KALRN: variants seen among roughly 807,000 people sequenced by gnomAD.
The protein encoded by KALRN is kalirin RhoGEF kinase.
A neutral mutation model predicts 353.7 loss-of-function variants in KALRN; 70 were observed. That is an observed-to-expected ratio of 0.20 (90% CI 0.16 to 0.24). The LOEUF is 0.24. KALRN is among the 10% of genes least tolerant of loss of function. The pLI is 1.00. For synonymous variants in KALRN, 1,391 were observed against 1,434.8 expected, an observed-to-expected ratio of 0.97 and a Z score of 0.69; for missense variants, 2,791 against 3,756.7, an observed-to-expected ratio of 0.74 and a Z score of 6.72.
chr3:124,153,359 C>T (rs867287706), intron 1 of KALRN, among the ~76,000 whole-genome samples: 2 of 148,406 alleles, frequency 1.3e-5, no homozygotes, highest in South Asian at 2.2e-4. Flanking sequence ...TGAGTGAGAA[C>T]ATGCGGTGTT....
intron 1 of KALRN, among the ~76,000 whole-genome samples, chr3:124,173,295 TAAAAA>T (rs1026300445): frequency 7.9e-5 from 12 of 152,196 alleles, no homozygotes; most frequent in Admixed American, 5.2e-4. Context: ...AAAGAAAAAA[TAAAAA>T]GAGAAAGCTT....
At chr3:124,228,608 T>C (rs1375814926) in intron 2 of KALRN, among the ~76,000 whole-genome samples, 1 of 152,210 alleles carries the variant, frequency 6.6e-6, no homozygotes, top group Non-Finnish European at 1.5e-5. Context: ...GGGTAAGCAA[T>C]CTGTAGCTGG....
chr3:124,266,573 A>C (rs1460896773), intron 4 of KALRN, among the ~76,000 whole-genome samples: 2 of 152,192 alleles, frequency 1.3e-5, no homozygotes, highest in Non-Finnish European at 2.9e-5. Flanking sequence ...CTCATCTGCA[A>C]GGGGATGAAC....
intron 47 of KALRN, among the ~76,000 whole-genome samples, chr3:124,667,527 G>T (rs1021377385): frequency 2.0e-5 from 3 of 152,222 alleles, no homozygotes; most frequent in African/African-American, 4.8e-5. Context: ...GGCTAGAAAT[G>T]ATATGTGTTT....
chr3:124,303,188 A>G (rs1490877072), intron 6 of KALRN, among the ~76,000 whole-genome samples: 1 of 152,226 alleles, frequency 6.6e-6, no homozygotes, highest in East Asian at 1.9e-4. Context: ...AATATGGTAC[A>G]TAAATAAAAT....
At chr3:124,545,848 G>A (rs1561261612) in intron 33 of KALRN, among the ~76,000 whole-genome samples, 1 of 152,144 alleles carries the variant, frequency 6.6e-6, no homozygotes, top group Non-Finnish European at 1.5e-5. Flanking sequence ...TTTAGATAAG[G>A]ACAGCAACCG....
intron 1 of KALRN, among the ~76,000 whole-genome samples, chr3:124,130,791 A>C (rs1211177624): frequency 1.3e-5 from 2 of 152,234 alleles, no homozygotes; most frequent in South Asian, 4.1e-4. Flanking sequence ...ACAGAATGTT[A>C]TACAGAAAAG....
intron 1 of KALRN, among the ~76,000 whole-genome samples, chr3:124,110,463 A>ATG (rs1347814093): frequency 3.6e-5 from 2 of 56,022 alleles, no homozygotes; most frequent in Non-Finnish European, 4.8e-5. Flanking sequence ...ATATATACAC[A>ATG]CGCGCGCACA....
chr3:124,127,940 C>T (rs918004764), intron 1 of KALRN, among the ~76,000 whole-genome samples: 1 of 151,960 alleles, frequency 6.6e-6, no homozygotes, highest in Non-Finnish European at 1.5e-5. Flanking sequence ...TTCTCTTATG[C>T]TTCATTTACT....
intron 35 of KALRN, among the ~76,000 whole-genome samples, chr3:124,633,164 A>G (rs2080966107): frequency 6.6e-6 from 1 of 152,250 alleles, no homozygotes; most frequent in African/African-American, 2.4e-5. Flanking sequence ...ACTATGATGA[A>G]CAGATGAAGA....
At chr3:124,186,180 G>A (rs1245882547) in intron 1 of KALRN, among the ~76,000 whole-genome samples, 1 of 152,192 alleles carries the variant, frequency 6.6e-6, no homozygotes, top group Non-Finnish European at 1.5e-5. Context: ...ACTCCTCTGA[G>A]GAACAGCAAT....
At chr3:124,186,789 G>T (rs186228485) in intron 1 of KALRN, among the ~76,000 whole-genome samples, 8 of 152,124 alleles carry the variant, frequency 5.3e-5, no homozygotes, top group Non-Finnish European at 1.0e-4. Context: ...AAAGTAACTC[G>T]TTCCTTTGAC....
At chr3:124,643,917 C>T (rs1282436230) in intron 37 of KALRN, among the ~76,000 whole-genome samples, 1 of 152,014 alleles carries the variant, frequency 6.6e-6, no homozygotes, top group Non-Finnish European at 1.5e-5. Flanking sequence ...GTATGTGTGA[C>T]AAAAGTAGCT....
intron 3 of KALRN, among the ~76,000 whole-genome samples, chr3:124,261,816 C>T (rs1053294652): frequency 3.9e-5 from 6 of 152,060 alleles, no homozygotes; most frequent in African/African-American, 1.4e-4. Flanking sequence ...TTAACGTTGC[C>T]GAACCTGACA....
At chr3:124,443,371 C>T (rs1473794489) in intron 19 of KALRN, among the ~76,000 whole-genome samples, 1 of 152,134 alleles carries the variant, frequency 6.6e-6, no homozygotes, top group Non-Finnish European at 1.5e-5. Flanking sequence ...TTGGAGACAC[C>T]ATGGACAGGG....
intron 1 of KALRN, among the ~76,000 whole-genome samples, chr3:124,185,075 G>GC (rs1263296819): frequency 1.3e-5 from 2 of 152,166 alleles, no homozygotes; most frequent in African/African-American, 2.4e-5. Context: ...GAGTGCAATG[G>GC]CGTGATCTTG....
intron 1 of KALRN, among the ~76,000 whole-genome samples, chr3:124,081,294 A>C (rs762908600): frequency 5.3e-5 from 8 of 152,166 alleles, no homozygotes; most frequent in Non-Finnish European, 1.2e-4. Flanking sequence ...ATTCAGTCTC[A>C]AAGATATCAA....
chr3:124,482,746 A>T, intron 27 of KALRN, 62 bp from the exon 28 acceptor site: 1 of 1,095,468 alleles, frequency 9.1e-7, no homozygotes, highest in South Asian at 1.2e-5. Flanking sequence ...TTCTCCTCTC[A>T]GAGTTCACAC....
intron 34 of KALRN, among the ~76,000 whole-genome samples, chr3:124,627,725 A>T (rs1046245383): frequency 1.3e-5 from 2 of 152,210 alleles, no homozygotes; most frequent in African/African-American, 4.8e-5. Flanking sequence ...TGTTCTGAAG[A>T]TGTTTATCAC....
Sources: gnomAD v4.1 joint callset for allele counts (sites outside exome capture counted in the v4.1 genomes callset) on GRCh38, gnomAD v4.1.1 for gene constraint, MANE v1.5 for transcripts, NCBI Gene and HGNC (gene_info 2026-07-23, HGNC 2026-07-21) for gene names.